Variants in ST8SIA4 observed in about 807,000 individuals in gnomAD.
ST8SIA4 encodes the protein CMP-N-acetylneuraminate-poly-alpha-2,8-sialyltransferase.
In ST8SIA4, 15 loss-of-function variants were observed where a neutral mutation model predicts 33.9. The ratio of observed to expected loss-of-function variants is 0.44; its 90% confidence interval spans 0.30 to 0.68. ST8SIA4 has a LOEUF of 0.68. Among genes scored for constraint, ST8SIA4 ranks in the 30% least tolerant of loss-of-function variants. The pLI is 0.10. For missense variants in ST8SIA4, 321 were observed against 428.0 expected (o/e 0.75, Z 2.21); for synonymous variants, 171 against 151.2 (o/e 1.13, Z -0.96).
intron 3 of ST8SIA4, among the ~76,000 whole-genome samples, chr5:100,858,088 T>G (rs1271499776): frequency 6.6e-6 from 1 of 152,030 alleles, no homozygotes; most frequent in Non-Finnish European, 1.5e-5. Flanking sequence ...AACACCTTCT[T>G]GTGGAACTCA....
At chr5:100,880,116 C>G (rs754451286) in intron 3 of ST8SIA4, among the ~76,000 whole-genome samples, 2 of 152,092 alleles carry the variant, frequency 1.3e-5, no homozygotes, top group Non-Finnish European at 2.9e-5. Flanking sequence ...TCTTTCCCTC[C>G]CTTTCTTCTT....
intron 3 of ST8SIA4, among the ~76,000 whole-genome samples, chr5:100,878,118 A>T (rs2112464061): frequency 6.6e-6 from 1 of 152,290 alleles, no homozygotes; most frequent in Non-Finnish European, 1.5e-5. Context: ...CTAATTAATC[A>T]AATGAGAAGA....
At chr5:100,885,615 AC>A (rs1398627065) in intron 3 of ST8SIA4, 13 of 934,588 alleles carry the variant, frequency 1.4e-5, no homozygotes, top group Admixed American at 6.2e-5. Context: ...AGGAACTAAA[AC>A]AATCCAAAAA....
At chr5:100,828,453 G>A (rs1016956774) in intron 4 of ST8SIA4, among the ~76,000 whole-genome samples, 2 of 152,126 alleles carry the variant, frequency 1.3e-5, no homozygotes, top group Admixed American at 6.6e-5. Flanking sequence ...ACCTCAAAAA[G>A]CAATACCTCT....
At chr5:100,831,830 C>T (rs553736522) in intron 4 of ST8SIA4, among the ~76,000 whole-genome samples, 3 of 152,152 alleles carry the variant, frequency 2.0e-5, no homozygotes, top group Non-Finnish European at 2.9e-5. Flanking sequence ...TTATCTAACT[C>T]GAACTAACTT....
At chr5:100,901,152 G>T (rs114693642) in intron 1 of ST8SIA4, among the ~76,000 whole-genome samples, 1,703 of 152,318 alleles carry the variant, frequency 0.011, 33 homozygotes, top group African/African-American at 0.04. Flanking sequence ...CCGCTTCCCC[G>T]CAGGGACTCG....
chr5:100,814,618 C>T (rs1454140066), intron 4 of ST8SIA4, among the ~76,000 whole-genome samples: 3 of 151,780 alleles, frequency 2.0e-5, no homozygotes, highest in African/African-American at 4.8e-5. Context: ...ACTAAGTAGG[C>T]AATAAGTAAT....
chr5:100,823,016 A>G (rs1751062790), intron 4 of ST8SIA4, among the ~76,000 whole-genome samples: 1 of 152,040 alleles, frequency 6.6e-6, no homozygotes, highest in Admixed American at 6.5e-5. Context: ...CTGTAGTCCC[A>G]GCTACTCGGG....
chr5:100,852,188 T>G lies in ST8SIA4; in HGVS notation c.797+3915A>C, dbSNP rs543086606. Among the ~76,000 whole-genome samples the G allele has an allele frequency of 1.7e-3, 229 of 134,716 alleles. 2 individuals carry two copies. The highest frequency in any genetic ancestry group is 3.1e-3 in the Non-Finnish European group (205 of 65,136). The allele number at this position is 134,716 out of a possible 152,430, so 88.4% of individuals were successfully genotyped here. A position where few individuals can be genotyped will look rare whatever the true frequency, so the allele number is the denominator to read the frequency against. On this transcript the variant is annotated intron_variant, in intron 4 of 4. Transcript: ENST00000231461. ...CAGGCTGGAGTGCAGTAGCATGAGC[T>G]CGGCTCACTGCAACCTCTCCCTCCC... is the stretch of plus-strand genomic sequence containing the variant.
chr5:100,901,316 C>A (rs1752907850), intron 1 of ST8SIA4, among the ~76,000 whole-genome samples: 1 of 152,290 alleles, frequency 6.6e-6, no homozygotes, highest in South Asian at 2.1e-4. Context: ...TGAGCCTTGG[C>A]CGCTTTGTCT....
At chr5:100,856,051 T>C in intron 4 of ST8SIA4, 52 bp downstream of exon 4, 1 of 1,517,216 alleles carries the variant, frequency 6.6e-7, no homozygotes, top group Non-Finnish European at 9.1e-7. Flanking sequence ...AAATGTTTAG[T>C]TATATGTGTT....
intron 2 of ST8SIA4, among the ~76,000 whole-genome samples, chr5:100,887,834 A>G (rs1263401283): frequency 2.0e-5 from 3 of 152,184 alleles, no homozygotes; most frequent in Admixed American, 2.0e-4. Context: ...GGCATAAAAT[A>G]GCCAACTAAC....
At chr5:100,888,539 A>G (rs1212133114) in intron 2 of ST8SIA4, among the ~76,000 whole-genome samples, 1 of 151,988 alleles carries the variant, frequency 6.6e-6, no homozygotes, top group Non-Finnish European at 1.5e-5. Flanking sequence ...GTATTTTCAA[A>G]GTAATAAAAA....
intron 3 of ST8SIA4, among the ~76,000 whole-genome samples, chr5:100,882,068 G>A (rs987259367): frequency 2.8e-4 from 43 of 152,170 alleles, no homozygotes; most frequent in Non-Finnish European, 7.3e-5. Flanking sequence ...CTTTGGAACC[G>A]TGTAACAGGC....
At chr5:100,859,704 A>G (rs1015994056) in intron 3 of ST8SIA4, among the ~76,000 whole-genome samples, 4 of 152,076 alleles carry the variant, frequency 2.6e-5, no homozygotes, top group Admixed American at 2.6e-4. Flanking sequence ...TGTTAATTTA[A>G]AAGTTATATA....
At chr5:100,841,658 T>G (rs956019981) in intron 4 of ST8SIA4, among the ~76,000 whole-genome samples, 1 of 151,892 alleles carries the variant, frequency 6.6e-6, no homozygotes, top group African/African-American at 2.4e-5. Context: ...TTGTGTGTTT[T>G]GTCCAATTAT....
At chr5:100,898,219 G>A (rs569516643) in intron 1 of ST8SIA4, among the ~76,000 whole-genome samples, 1 of 152,276 alleles carries the variant, frequency 6.6e-6, no homozygotes, top group Admixed American at 6.5e-5. Flanking sequence ...GCCTACTCAG[G>A]AGGCTGAGGT....
chr5:100,886,257 T>C (rs1353357123), intron 3 of ST8SIA4, 86 bp downstream of exon 3: 5 of 1,531,346 alleles, frequency 3.3e-6, no homozygotes, highest in Non-Finnish European at 4.4e-6. Context: ...GTTTTAGTAA[T>C]ACTTTAAAAT....
chr5:100,860,734 A>T lies in ST8SIA4; in HGVS notation c.504-4338T>A, dbSNP rs116760939. Among the ~76,000 whole-genome samples, 165 of 152,306 alleles carry T rather than the reference A, an allele frequency of 1.1e-3. 1 individual carries two copies. The highest frequency in any genetic ancestry group is 3.8e-3 in the African/African-American group (158 of 41,578). ...GAATCATTCCAGGACAGGAGTTTTA[A>T]CTGACACTATTATACATATGAGTTC... On this transcript the variant is annotated intron_variant, in intron 3 of 4. Coordinates refer to ENST00000231461, the MANE Select transcript of ST8SIA4 (RefSeq NM_005668.6).
Sources: allele counts gnomAD v4.1 joint callset (sites outside exome capture counted in the v4.1 genomes callset), GRCh38; gene constraint gnomAD v4.1.1; transcripts MANE v1.5; gene names NCBI Gene and HGNC (gene_info 2026-07-23, HGNC 2026-07-21).